ENPP1: variants seen among roughly 807,000 people sequenced by gnomAD.
ENPP1 encodes ectonucleotide pyrophosphatase/phosphodiesterase family member 1.
In ENPP1, 73 loss-of-function variants were observed where a neutral mutation model predicts 122.8. The observed-to-expected ratio is 0.59, with a 90% confidence interval of 0.49 to 0.72. ENPP1 has a LOEUF of 0.72. ENPP1 is among the 30% of genes least tolerant of loss of function. The probability of loss-of-function intolerance (pLI) is 0.00; values close to 1 mark genes in which losing one functional copy is unlikely to be tolerated. For synonymous variants in ENPP1, 367 were observed against 391.6 expected, an observed-to-expected ratio of 0.94 and a Z score of 0.74; for missense variants, 978 against 1,128.1, an observed-to-expected ratio of 0.87 and a Z score of 1.91.
intron 1 of ENPP1, among the ~76,000 whole-genome samples, chr6:131,819,561 T>C (rs1402380133): frequency 6.6e-6 from 1 of 152,220 alleles, no homozygotes; most frequent in African/African-American, 2.4e-5. Context: ...ATTAATACTT[T>C]AATAAACTAT....
At chr6:131,832,649 C>T (rs1374532674) in intron 1 of ENPP1, among the ~76,000 whole-genome samples, 1 of 152,126 alleles carries the variant, frequency 6.6e-6, no homozygotes, top group Non-Finnish European at 1.5e-5. Context: ...TTGACTGGAC[C>T]TGTGTGAATC....
chr6:131,818,296 C>A (rs1442906313), intron 1 of ENPP1, among the ~76,000 whole-genome samples: 1 of 151,898 alleles, frequency 6.6e-6, no homozygotes, highest in Admixed American at 6.6e-5. Flanking sequence ...AAAAAAAAAG[C>A]CATTTCACTA....
intron 11 of ENPP1, among the ~76,000 whole-genome samples, chr6:131,866,602 G>C (rs1782095294): frequency 6.6e-6 from 1 of 152,210 alleles, no homozygotes. Context: ...AGAGAGTGAA[G>C]AGAGAAGGAA....
chr6:131,831,114 CAAAAA>C (rs3036850), intron 1 of ENPP1, among the ~76,000 whole-genome samples: 28 of 60,002 alleles, frequency 4.7e-4, no homozygotes, highest in African/African-American at 7.8e-4. Flanking sequence ...GCCCATCTCT[CAAAAA>C]AAAAAAAAAA....
In ENPP1 at chr6:131,890,371, G is replaced by A. The variant is rs757588316; in HGVS notation, c.2638G>A (p.Glu880Lys). ...GAAGCATGACTCCTCATGGGTTGAA[G>A]AATTGTTAATGTTACACAGAGCACG... Reference protein sequence around the residue: ...HGKHDSSWVEELLMLHRARIT... With the variant: ...HGKHDSSWVEKLLMLHRARIT... The change falls in exon 25 of 25, where the codon GAA becomes AAA. Residue 880 changes from glutamate to lysine, a missense_variant. Physicochemically the swap from Glu to Lys is moderately conservative, Grantham distance 56. This residue lies in a region of ENPP1 where 644 missense variants were observed against 781.5 expected (regional missense o/e 0.82). Transcript: ENST00000647893. The A allele has an allele frequency of 3.2e-5, 52 of 1,613,932 alleles. No homozygotes were observed. The highest frequency in any genetic ancestry group is 4.4e-5 in the Non-Finnish European group (52 of 1,179,908).
chr6:131,847,325 A>G (rs1230855229), intron 1 of ENPP1, among the ~76,000 whole-genome samples: 1 of 152,188 alleles, frequency 6.6e-6, no homozygotes, highest in East Asian at 1.9e-4. Flanking sequence ...AGAGTTTCTA[A>G]TTACATTAAC....
In ENPP1 at chr6:131,879,053, T is replaced by C. The variant is rs571083144; in HGVS notation, c.1945+460T>C. Among the ~76,000 whole-genome samples, 6 of 152,372 alleles carry C rather than the reference T, an allele frequency of 3.9e-5. No homozygotes were observed. In the South Asian group the frequency reaches 1.0e-3, roughly 26 times the overall value. On this transcript the variant is annotated intron_variant, in intron 19 of 24. Transcript: ENST00000647893. Reference sequence around the variant, plus strand: ...GACAACTGATGAAATTTTTCACTTATGACTTGAATGTTTGGAGTCACTATA... The same window carrying C: ...GACAACTGATGAAATTTTTCACTTACGACTTGAATGTTTGGAGTCACTATA...
chr6:131,860,609 T>C, intron 8 of ENPP1, 103 bp downstream of exon 8: 1 of 869,850 alleles, frequency 1.1e-6, no homozygotes, highest in Non-Finnish European at 1.9e-6. Flanking sequence ...TGATTTCATT[T>C]AGTGTGTCTG....
At chr6:131,843,914 C>T (rs964543829) in intron 1 of ENPP1, among the ~76,000 whole-genome samples, 8 of 152,002 alleles carry the variant, frequency 5.3e-5, no homozygotes, top group African/African-American at 1.9e-4. Context: ...TGAAGAGGTT[C>T]CTCATCAGCT....
chr6:131,881,792 A>G (rs1457337117), intron 20 of ENPP1, among the ~76,000 whole-genome samples: 1 of 151,922 alleles, frequency 6.6e-6, no homozygotes, highest in Admixed American at 6.6e-5. Flanking sequence ...GCTGCAGCGG[A>G]TGGATCACCT....
chr6:131,824,699 C>G (rs1281647737), intron 1 of ENPP1, among the ~76,000 whole-genome samples: 1 of 152,110 alleles, frequency 6.6e-6, no homozygotes, highest in African/African-American at 2.4e-5. Flanking sequence ...CATGATTCAC[C>G]CACCTCGGCC....
chr6:131,869,988 C>G (rs1782141078), intron 13 of ENPP1, among the ~76,000 whole-genome samples: 1 of 151,654 alleles, frequency 6.6e-6, no homozygotes, highest in African/African-American at 2.4e-5. Flanking sequence ...TTTTATGGGA[C>G]TGGATGCGAG....
intron 2 of ENPP1, 148 bp from the exon 3 acceptor site, chr6:131,849,842 A>G: frequency 1.5e-6 from 1 of 650,528 alleles, no homozygotes; most frequent in Admixed American, 2.4e-5. Context: ...TATTTGTGAA[A>G]AGATTTTTGC....
rs1167413684 is a variant in ENPP1 at position 131,808,243 on chromosome 6, A to G, written c.208A>G (p.Lys70Glu). 7 of 1,518,360 alleles carry G rather than the reference A, an allele frequency of 4.6e-6. No homozygotes were observed. The African/African-American group carries it at 1.0e-4, about 22-fold the overall frequency. 94.1% of individuals were successfully genotyped at this position (1,518,360 alleles called of 1,614,324 possible). The part of the protein sequence containing the change: ...LEKAARARTA[K>E]DPNTYKVLSL... ...GAAGGCGGCGCGCGCCCGCACTGCCAAGGACCCCAACACCTATAAAGTACT... is the reference window on the plus strand; with the variant it reads ...GAAGGCGGCGCGCGCCCGCACTGCCGAGGACCCCAACACCTATAAAGTACT... The change falls in exon 1 of 25, where the codon AAG (lysine) becomes GAG (glutamate). Residue 70 changes from lysine (K) to glutamate (E), a missense_variant. This residue lies in a region of ENPP1 where 330 missense variants were observed against 328.5 expected (regional missense o/e 1.00). Coordinates refer to ENST00000647893, the MANE Select transcript of ENPP1 (RefSeq NM_006208.3).
chr6:131,848,010 T>G (rs145269879), intron 2 of ENPP1, among the ~76,000 whole-genome samples, 162 bp downstream of exon 2: 333 of 152,274 alleles, frequency 2.2e-3, no homozygotes, highest in Middle Eastern at 6.8e-3. Flanking sequence ...TTCCTGAAGT[T>G]CTTGTATTAT....
Position 131,886,606 on chromosome 6 carries a change from ACTT to A in ENPP1, c.2493_2495del (p.Phe832del). The A allele has an allele frequency of 6.2e-7, 1 of 1,613,788 alleles. No homozygotes were observed. Among genetic ancestry groups the A allele is most frequent in the Non-Finnish European group, 8.5e-7 (1 of 1,179,700 alleles). ...AACCAAGAAATTTTGATTCCAACTC[ACTT>A]CTTTATTGTGCTAACAAGCTGTAAA... On this transcript the variant is annotated inframe_deletion, in exon 24 of 25. Coordinates refer to ENST00000647893, the MANE Select transcript of ENPP1 (RefSeq NM_006208.3).
intron 5 of ENPP1, 130 bp from the exon 6 acceptor site, chr6:131,854,796 G>A: frequency 1.4e-6 from 1 of 707,268 alleles, no homozygotes; most frequent in Non-Finnish European, 2.6e-6. Flanking sequence ...TTGTTAGTTA[G>A]TTTTCTTAAG....
At chr6:131,872,421 G>A (rs181977115) in intron 14 of ENPP1, among the ~76,000 whole-genome samples, 18 of 152,066 alleles carry the variant, frequency 1.2e-4, no homozygotes, top group Admixed American at 2.6e-4. Context: ...CACCATTAGC[G>A]TTATGATATA....
Position 131,884,473 on chromosome 6 carries a change from C to G in ENPP1, c.2312-458C>G, listed in dbSNP as rs531310048. 7.9e-5 allele frequency among the ~76,000 whole-genome samples: 12 copies of G among 152,274 alleles called. No individual in the cohort carries two copies. The South Asian group carries it at 2.5e-3, about 32-fold the overall frequency. ...TGAACAATGAATTTTTGGCCTCACA[C>G]TAAGATTAGAGCCAAGGCTGGGTGT... On this transcript the variant is annotated intron_variant, in intron 22 of 24. Transcript: ENST00000647893.
Sources: allele counts gnomAD v4.1 joint callset (sites outside exome capture counted in the v4.1 genomes callset), GRCh38; gene constraint gnomAD v4.1.1; regional missense constraint gnomAD v4.1.1; transcripts MANE v1.5; gene names NCBI Gene and HGNC (gene_info 2026-07-23, HGNC 2026-07-21).